The following COL11A1 variants were observed in gnomAD, a reference collection of about 807,000 sequenced individuals.
COL11A1 encodes collagen alpha-1(XI) chain.
Under a neutral mutation model 265.2 loss-of-function variants are expected in COL11A1, and 74 were observed. The ratio of observed to expected loss-of-function variants is 0.28; its 90% CI spans 0.23 to 0.34. The LOEUF (loss-of-function observed/expected upper bound fraction) is 0.34, where lower values mean the gene tolerates loss of function less well. COL11A1 is among the 10% of genes least tolerant of loss of function. The pLI is 1.00. For missense variants in COL11A1, 2,165 were observed against 2,263.6 expected (o/e 0.96, Z 0.88); for synonymous variants, 816 against 727.6 (o/e 1.12, Z -1.96).
intron 49 of COL11A1, among the ~76,000 whole-genome samples, chr1:102,917,414 G>A (rs1370491415): frequency 1.3e-5 from 2 of 151,852 alleles, no homozygotes; most frequent in East Asian, 1.9e-4. Context: ...AAACTCTTCT[G>A]GACATTGGTC....
intron 36 of COL11A1, among the ~76,000 whole-genome samples, chr1:102,971,028 A>AACAAAC (rs1288977368): frequency 1.4e-5 from 2 of 146,740 alleles, no homozygotes; most frequent in South Asian, 2.2e-4. Flanking sequence ...AAAACAAACA[A>AACAAAC]AAAAAAACCA....
rs575916282 is a variant in COL11A1, at chr1:103,032,376, AT to A, written c.652-1133del. ...ATTCTACATTTATACCACAATATTC[AT>A]TTTTTTATTAACAGATACTTATTGA... On this transcript the variant is annotated intron_variant, in intron 4 of 66. Transcript: ENST00000370096. Among the ~76,000 whole-genome samples the A allele has an allele frequency of 8.7e-4, 132 of 152,218 alleles. 1 individual carries two copies. The highest frequency in any genetic ancestry group is 2.3e-3 in the African/African-American group (95 of 41,558).
intron 57 of COL11A1, among the ~76,000 whole-genome samples, chr1:102,893,483 C>A (rs986525317): frequency 1.3e-5 from 2 of 152,000 alleles, no homozygotes; most frequent in Admixed American, 1.3e-4. Flanking sequence ...TGAAACAGAT[C>A]AAAAACATCA....
Position 103,031,248 on chromosome 1 carries a change from G to T in COL11A1, c.652-4C>A. The T allele has an allele frequency of 6.8e-7, 1 of 1,476,140 alleles. No homozygotes were observed. Among genetic ancestry groups the T allele is most frequent in the Non-Finnish European group, 9.0e-7 (1 of 1,116,320 alleles). 91.4% of individuals were successfully genotyped at this position (1,476,140 alleles called of 1,614,324 possible). A position where few individuals can be genotyped will look rare whatever the true frequency, so the allele number is the denominator to read the frequency against. ...TCAAAAACTGCTGAATGTCCCCCTG[G>T]GAAAAAAAAAAAAACAAAAACAAAC... On this transcript the variant is annotated splice_region_variant and splice_polypyrimidine_tract_variant and intron_variant, in intron 4 of 66. Transcript: ENST00000370096.
rs779805240 is a variant in COL11A1, at chr1:102,962,763, A to C, written c.2917-3T>G. ...GGACCAGTCTCACCGGTTGGTCCCT[A>C]AATTAGATAAGCAAAATCACTTTAG... On this transcript the variant is annotated splice_region_variant and splice_polypyrimidine_tract_variant and intron_variant, in intron 38 of 66. Transcript: ENST00000370096. The C allele has an allele frequency of 6.2e-7, 1 of 1,613,566 alleles. No homozygotes were observed. Among genetic ancestry groups the C allele is most frequent in the East Asian group, 2.2e-5 (1 of 44,850 alleles).
At chr1:103,018,331 A>G (rs891886256) in intron 10 of COL11A1, among the ~76,000 whole-genome samples, 20 of 152,172 alleles carry the variant, frequency 1.3e-4, no homozygotes, top group Non-Finnish European at 2.6e-4. Context: ...AATTAATTCC[A>G]CAAAAGACAG....
chr1:102,935,991 C>T (rs570751104), intron 44 of COL11A1, among the ~76,000 whole-genome samples: 6 of 152,150 alleles, frequency 3.9e-5, no homozygotes, highest in South Asian at 2.1e-4. Context: ...GGTAACTTAG[C>T]GCTTATCATG....
intron 4 of COL11A1, among the ~76,000 whole-genome samples, chr1:103,031,879 A>T (rs1012276724): frequency 6.6e-6 from 1 of 152,010 alleles, no homozygotes; most frequent in African/African-American, 2.4e-5. Flanking sequence ...CTAAGGATAC[A>T]TTAAACATCA....
At chr1:102,967,355 T>C (rs968486769) in intron 37 of COL11A1, among the ~76,000 whole-genome samples, 11 of 144,090 alleles carry the variant, frequency 7.6e-5, no homozygotes, top group African/African-American at 1.0e-4. Flanking sequence ...ATTCTCCTGC[T>C]TCAGCCTCCA....
intron 49 of COL11A1, among the ~76,000 whole-genome samples, chr1:102,919,493 T>C (rs1655727012): frequency 6.6e-6 from 1 of 151,980 alleles, no homozygotes; most frequent in African/African-American, 2.4e-5. Flanking sequence ...AGATATCCTT[T>C]AACAAGTAGC....
At chr1:102,982,869 G>GAC (rs1663171116) in intron 31 of COL11A1, among the ~76,000 whole-genome samples, 1 of 152,022 alleles carries the variant, frequency 6.6e-6, no homozygotes, top group Non-Finnish European at 1.5e-5. Context: ...CTTATGAATA[G>GAC]ACACACGTTT....
intron 32 of COL11A1, 30 bp from the exon 33 acceptor site, chr1:102,979,134 AG>A: frequency 6.3e-7 from 1 of 1,597,776 alleles, no homozygotes; most frequent in South Asian, 1.1e-5. Context: ...TTCAATATGC[AG>A]TATATCACAG....
rs547155158 is a variant in COL11A1 at position 102,882,029 on chromosome 1, G to A, written c.4972-264C>T. On this transcript the variant is annotated intron_variant, in intron 64 of 66. Transcript: ENST00000370096. ...CTAAAGGAAAAGGGGAAAGACAACCGGGTATAGGCATACTAAGGGTTATAG... is the reference window on the plus strand; with the variant it reads ...CTAAAGGAAAAGGGGAAAGACAACCAGGTATAGGCATACTAAGGGTTATAG... 3.9e-5 allele frequency among the ~76,000 whole-genome samples: 6 copies of A among 152,128 alleles called. No individual in the cohort carries two copies. In the East Asian group the frequency reaches 5.8e-4, roughly 15 times the overall value.
chr1:102,980,313 T>C (rs1479211490), intron 31 of COL11A1, among the ~76,000 whole-genome samples: 1 of 152,122 alleles, frequency 6.6e-6, no homozygotes, highest in African/African-American at 2.4e-5. Flanking sequence ...ACAGATGGAA[T>C]ACAATATAAT....
chr1:103,030,417 C>T (rs982203246), intron 5 of COL11A1, among the ~76,000 whole-genome samples: 5 of 151,972 alleles, frequency 3.3e-5, no homozygotes, highest in African/African-American at 1.2e-4. Context: ...CCATTGTAAA[C>T]AGTAAAACTC....
intron 41 of COL11A1, among the ~76,000 whole-genome samples, chr1:102,959,948 A>G (rs1660739310): frequency 1.3e-5 from 2 of 152,144 alleles, no homozygotes; most frequent in African/African-American, 4.8e-5. Context: ...TTCCTAGAAG[A>G]TATCTTTAGA....
At chr1:102,987,914 T>G (rs1249643655) in intron 29 of COL11A1, among the ~76,000 whole-genome samples, 174 bp from the exon 30 acceptor site, 1 of 152,024 alleles carries the variant, frequency 6.6e-6, no homozygotes, top group Admixed American at 6.6e-5. Context: ...TTGGGAGAAA[T>G]GTACTTTATA....
intron 4 of COL11A1, among the ~76,000 whole-genome samples, chr1:103,048,096 A>G (rs1206498705): frequency 6.6e-6 from 1 of 152,204 alleles, no homozygotes; most frequent in African/African-American, 2.4e-5. Context: ...AGGCTTTGGT[A>G]TCAGGATGAT....
At chr1:102,878,872 C>G (rs1649881430) in intron 66 of COL11A1, among the ~76,000 whole-genome samples, 1 of 152,044 alleles carries the variant, frequency 6.6e-6, no homozygotes, top group African/African-American at 2.4e-5. Flanking sequence ...AATTCTCTTA[C>G]AGAAAAAGTT....
Sources: gnomAD v4.1 joint callset for allele counts (sites outside exome capture counted in the v4.1 genomes callset) on GRCh38, gnomAD v4.1.1 for gene constraint, MANE v1.5 for transcripts, NCBI Gene and HGNC (gene_info 2026-07-23, HGNC 2026-07-21) for gene names.